CCDC146: variants seen among roughly 807,000 people sequenced by gnomAD.
The protein encoded by CCDC146 is coiled-coil domain-containing protein 146.
CCDC146 carries 92 observed loss-of-function variants against 119.3 expected under a neutral mutation model. That is an observed-to-expected ratio of 0.77 (90% CI 0.65 to 0.92). CCDC146 has a LOEUF of 0.92. Ranked by LOEUF, CCDC146 falls within the 40% of genes least tolerant of loss-of-function variation. The pLI is 0.00. For synonymous variants in CCDC146, 372 were observed against 371.8 expected, an observed-to-expected ratio of 1.00 and a Z score of -0.01; for missense variants, 1,000 against 1,103.0, an observed-to-expected ratio of 0.91 and a Z score of 1.32.
At chr7:77,185,041 G>T (rs1030751861) in intron 2 of CCDC146, among the ~76,000 whole-genome samples, 1 of 151,900 alleles carries the variant, frequency 6.6e-6, no homozygotes, top group African/African-American at 2.4e-5. Context: ...GCTGAAAATG[G>T]ATAATTATCT....
intron 5 of CCDC146, among the ~76,000 whole-genome samples, chr7:77,254,899 G>A (rs1257366143): frequency 6.6e-6 from 1 of 152,182 alleles, no homozygotes; most frequent in African/African-American, 2.4e-5. Context: ...AACATCTCAA[G>A]TTATTACAAC....
intron 1 of CCDC146, among the ~76,000 whole-genome samples, chr7:77,155,914 G>C (rs1218393126): frequency 1.3e-5 from 2 of 152,062 alleles, no homozygotes; most frequent in Admixed American, 1.3e-4. Context: ...TTTTGATTAT[G>C]TAGGTTTCCG....
intron 2 of CCDC146, among the ~76,000 whole-genome samples, chr7:77,197,462 A>G (rs908796242): frequency 6.6e-6 from 1 of 152,172 alleles, no homozygotes; most frequent in Non-Finnish European, 1.5e-5. Flanking sequence ...CAGGACACTA[A>G]CTCAGATCTG....
rs1209282785 is a variant in CCDC146 at position 77,259,024 on chromosome 7, A to T, written c.714A>T (p.Pro238=). The change falls in exon 7 of 19, where the codon CCA becomes CCT. Residue 238 remains proline, a synonymous_variant. Transcript: ENST00000285871. ...AAGTGGCCCACCATCAAACCATTCC[A>T]GTACAAATTGGAAAAGAGATAGAAA... ...KDEVAHHQTI[P]VQIGKEIEKI... is the part of the protein sequence containing the mutation. 6.2e-7 allele frequency: 1 copy of T among 1,612,630 alleles called. No homozygotes were observed. The highest frequency in any genetic ancestry group is 1.3e-5 in the African/African-American group (1 of 74,920).
chr7:77,162,913 A>G (rs1246541963), intron 1 of CCDC146, among the ~76,000 whole-genome samples: 1 of 152,140 alleles, frequency 6.6e-6, no homozygotes, highest in Non-Finnish European at 1.5e-5. Context: ...GATGATCTCT[A>G]TCAGAACTCT....
chr7:77,141,750 CT>C (rs1790936328), intron 1 of CCDC146, among the ~76,000 whole-genome samples: 1 of 152,040 alleles, frequency 6.6e-6, no homozygotes, highest in African/African-American at 2.4e-5. Flanking sequence ...TCCTTTGCCT[CT>C]TTTTGATGGG....
chr7:77,151,759 G>A (rs535904925), intron 1 of CCDC146, among the ~76,000 whole-genome samples: 2 of 152,282 alleles, frequency 1.3e-5, no homozygotes, highest in East Asian at 3.9e-4. Context: ...GTCTGACCAT[G>A]CAGGTTCCTC....
At chr7:77,149,451 G>A (rs1222012569) in intron 1 of CCDC146, among the ~76,000 whole-genome samples, 1 of 152,050 alleles carries the variant, frequency 6.6e-6, no homozygotes, top group Non-Finnish European at 1.5e-5. Context: ...TAAGTTTGAG[G>A]ACTTATAATA....
At chr7:77,215,960 T>C (rs956136000) in intron 2 of CCDC146, among the ~76,000 whole-genome samples, 4 of 152,092 alleles carry the variant, frequency 2.6e-5, no homozygotes, top group African/African-American at 9.7e-5. Flanking sequence ...ACTACATTGT[T>C]AAAGTATATT....
chr7:77,188,997 A>G, intron 2 of CCDC146, among the ~76,000 whole-genome samples: 1 of 152,004 alleles, frequency 6.6e-6, no homozygotes, highest in East Asian at 1.9e-4. Context: ...GCTGCACATA[A>G]ACTTACTTAC....
chr7:77,287,875 G>A (rs572462181), intron 17 of CCDC146, among the ~76,000 whole-genome samples: 22 of 152,206 alleles, frequency 1.4e-4, no homozygotes, highest in Non-Finnish European at 3.1e-4. Context: ...CATGCACAAA[G>A]TTAAATCCTT....
chr7:77,274,406 G>A (rs1312212653), intron 10 of CCDC146, 76 bp from the exon 11 acceptor site: 8 of 957,822 alleles, frequency 8.4e-6, no homozygotes, highest in African/African-American at 3.3e-5. Context: ...AAGTAAAAAG[G>A]TAGTCTAAGA....
At chr7:77,161,331 C>T (rs1333152533) in intron 1 of CCDC146, among the ~76,000 whole-genome samples, 40 of 151,914 alleles carry the variant, frequency 2.6e-4, no homozygotes, top group Non-Finnish European at 3.2e-4. Context: ...TAAAGACACA[C>T]GCACACGTAT....
intron 2 of CCDC146, among the ~76,000 whole-genome samples, chr7:77,222,758 C>T (rs897008946): frequency 1.3e-5 from 2 of 152,184 alleles, no homozygotes; most frequent in African/African-American, 4.8e-5. Context: ...CTCTAAGGGC[C>T]CAGGCTCCAT....
chr7:77,263,260 A>T (rs1178782150), intron 9 of CCDC146, among the ~76,000 whole-genome samples: 1 of 152,154 alleles, frequency 6.6e-6, no homozygotes, highest in Admixed American at 6.5e-5. Flanking sequence ...CAAAAGTGAC[A>T]CGTGTCACTT....
rs779224215 is a variant in CCDC146 at position 77,282,594 on chromosome 7, AT to A, written c.1963del (p.Tyr655MetfsTer4). On this transcript the variant is annotated frameshift_variant, in exon 15 of 19. Coordinates refer to ENST00000285871, the MANE Select transcript of CCDC146 (RefSeq NM_020879.3). LOFTEE classifies it high-confidence loss of function. ...QLIEREEEIC[I>X]FYEKINIQEK... is the part of the protein sequence containing the mutation. The stretch of plus-strand genomic sequence containing the variant: ...GATAGAGCGGGAAGAAGAAATATGC[AT>A]TTTTTATGAAAAAATAAATATCCAA... The A allele has an allele frequency of 3.1e-6, 5 of 1,611,880 alleles. No homozygotes were observed. Among genetic ancestry groups the A allele is most frequent in the Admixed American group, 3.4e-5 (2 of 59,660 alleles).
chr7:77,158,702 TA>T (rs1791212372), intron 1 of CCDC146, among the ~76,000 whole-genome samples: 1 of 152,032 alleles, frequency 6.6e-6, no homozygotes, highest in Non-Finnish European at 1.5e-5. Context: ...GTATTTTTAG[TA>T]GAGACGGGGT....
rs757570701 is a variant in CCDC146 at position 77,237,012 on chromosome 7, G to A, written c.222G>A (p.Leu74=). 3.1e-6 allele frequency: 5 copies of A among 1,614,028 alleles called. 1 individual carries two copies. In the South Asian group the frequency reaches 5.5e-5, roughly 18 times the overall value. The change falls in exon 3 of 19, where the codon CTG becomes CTA. Residue 74 remains leucine, a synonymous_variant. Coordinates refer to ENST00000285871, the MANE Select transcript of CCDC146 (RefSeq NM_020879.3). ...CGTTAAAAGCCAAGTATACCTTGCT[G>A]CATGACGCCGTGATGAGGTATGCAA... The part of the protein sequence containing the change: ...MAALKAKYTL[L]HDAVMSTQES...
chr7:77,185,094 TC>T (rs1299466374), intron 2 of CCDC146, among the ~76,000 whole-genome samples: 1 of 152,090 alleles, frequency 6.6e-6, no homozygotes, highest in Non-Finnish European at 1.5e-5. Flanking sequence ...CTTTTTTTTT[TC>T]CAGGGAAGAT....
Sources: gnomAD v4.1 joint callset for allele counts (sites outside exome capture counted in the v4.1 genomes callset) on GRCh38, gnomAD v4.1.1 for gene constraint, MANE v1.5 for transcripts, NCBI Gene and HGNC (gene_info 2026-07-23, HGNC 2026-07-21) for gene names.